TRIM69: variants seen among roughly 807,000 people sequenced by gnomAD.
TRIM69 encodes tripartite motif containing 69.
Under a neutral mutation model 37.7 loss-of-function variants are expected in TRIM69, and 29 were observed. The ratio of observed to expected loss-of-function variants is 0.77; its 90% confidence interval spans 0.57 to 1.05. The LOEUF (loss-of-function observed/expected upper bound fraction) is 1.05. Ranked by LOEUF, TRIM69 falls within the 50% of genes least tolerant of loss-of-function variation. TRIM69 has a pLI of 0.00. For synonymous variants in TRIM69, 209 were observed against 212.4 expected (o/e 0.98, Z 0.14); for missense variants, 596 against 579.9 (o/e 1.03, Z -0.28).
intron 1 of TRIM69, among the ~76,000 whole-genome samples, chr15:44,743,017 A>T (rs2087325275): frequency 6.6e-6 from 1 of 152,048 alleles, no homozygotes; most frequent in Admixed American, 6.6e-5. Flanking sequence ...GTCAATCCTA[A>T]GCCAAAAGAA....
chr15:44,758,985 C>A, intron 4 of TRIM69, 131 bp downstream of exon 4: 1 of 1,177,342 alleles, frequency 8.5e-7, no homozygotes, highest in Non-Finnish European at 1.2e-6. Flanking sequence ...TGTTATAGTG[C>A]TTTTAAGATT....
chr15:44,750,099 T>C (rs2141320771), intron 1 of TRIM69, among the ~76,000 whole-genome samples: 1 of 152,364 alleles, frequency 6.6e-6, no homozygotes, highest in South Asian at 2.1e-4. Flanking sequence ...TATTGAGTTG[T>C]AAGAGTTCTT....
chr15:44,767,444 T>C lies in TRIM69; in HGVS notation c.1175T>C (p.Val392Ala), dbSNP rs2087922057. 6.2e-6 allele frequency: 10 copies of C among 1,614,026 alleles called. No homozygotes were observed. The highest frequency in any genetic ancestry group is 4.0e-5 in the African/African-American group (3 of 74,898). The change falls in exon 7 of 7, where the codon GTT becomes GCT. Residue 392 changes from valine (V) to alanine (A), a missense_variant. Val to Ala is a moderately conservative substitution (Grantham distance 64). Transcript: ENST00000329464. ...VEVAKKTKWTVGVVRESIIRK... is the reference protein window; with the variant it reads ...VEVAKKTKWTAGVVRESIIRK... Reference sequence around the variant, plus strand: ...GTAGCAAAGAAGACAAAATGGACAGTTGGAGTTGTCAGAGAATCCATCATT... The same window carrying C: ...GTAGCAAAGAAGACAAAATGGACAGCTGGAGTTGTCAGAGAATCCATCATT...
intron 2 of TRIM69, 28 bp from the exon 3 acceptor site, chr15:44,756,340 C>T (rs1210883735): frequency 6.8e-7 from 1 of 1,479,766 alleles, no homozygotes; most frequent in South Asian, 1.2e-5. Context: ...CCGAGTTAGT[C>T]TGGGTTAATT....
chr15:44,751,415 C>CT (rs2087527981), intron 1 of TRIM69, among the ~76,000 whole-genome samples: 1 of 152,082 alleles, frequency 6.6e-6, no homozygotes, highest in Admixed American at 6.6e-5. Flanking sequence ...CACACCTGGC[C>CT]TTTTAAAAAA....
intron 1 of TRIM69, among the ~76,000 whole-genome samples, chr15:44,745,764 G>A (rs1340086380): frequency 1.3e-5 from 2 of 152,058 alleles, no homozygotes; most frequent in Non-Finnish European, 2.9e-5. Context: ...ACTGAAATGA[G>A]AAATTCGCAA....
chr15:44,738,050 C>CTTTT (rs772041054), intron 1 of TRIM69, among the ~76,000 whole-genome samples: 13 of 118,002 alleles, frequency 1.1e-4, no homozygotes, highest in African/African-American at 4.3e-4. Flanking sequence ...TACTTTCTTT[C>CTTTT]TTTCTTTTTT....
intron 1 of TRIM69, chr15:44,752,942 T>A (rs1266131355): frequency 6.6e-6 from 1 of 152,218 alleles, no homozygotes; most frequent in African/African-American, 2.4e-5. Flanking sequence ...TTGTTGTTAT[T>A]ATCACCAATT....
In TRIM69 at chr15:44,761,000, C is replaced by A. The variant is rs994356820; in HGVS notation, c.961+1128C>A. On this transcript the variant is annotated intron_variant, in intron 6 of 6. Transcript: ENST00000329464. ...TGGTGCCATCTCTGCTCACTGCAAG[C>A]TCTGCCTCCAGGGTTCATGCCATTC... is the stretch of plus-strand genomic sequence containing the variant. Among the ~76,000 whole-genome samples, 5 of 151,930 alleles carry A rather than the reference C, an allele frequency of 3.3e-5. 1 individual carries two copies. The South Asian group carries it at 8.3e-4, about 25-fold the overall frequency.
Position 44,755,367 on chromosome 15 carries a change from T to C in TRIM69, c.474T>C (p.His158=). ...KEFLQISDAV[H]FFTEELAIQQ... is the part of the protein sequence containing the mutation. ...TCCTGCAAATCTCTGATGCTGTCCA[T>C]TTCTTCACGGTGGGTGAGCCCTGGG... The change falls in exon 2 of 7, where the codon CAT becomes CAC. Residue 158 remains histidine, a synonymous_variant. Transcript: ENST00000329464. The C allele has an allele frequency of 5.0e-6, 8 of 1,612,310 alleles. No individual in the cohort carries two copies. The highest frequency in any genetic ancestry group is 6.8e-6 in the Non-Finnish European group (8 of 1,179,130).
intron 3 of TRIM69, chr15:44,757,258 G>A (rs2087670697): frequency 6.6e-6 from 1 of 151,996 alleles, no homozygotes; most frequent in African/African-American, 2.4e-5. Context: ...TAGATATTGG[G>A]GATGGGAGAC....
At chr15:44,742,692 C>A (rs1222258702) in intron 1 of TRIM69, among the ~76,000 whole-genome samples, 57 of 68,018 alleles carry the variant, frequency 8.4e-4, no homozygotes, top group African/African-American at 2.2e-3. Flanking sequence ...AGAGCCAAAT[C>A]ATGAGTGAAC....
intron 2 of TRIM69, among the ~76,000 whole-genome samples, chr15:44,755,799 C>G (rs1398778431): frequency 6.6e-6 from 1 of 151,856 alleles, no homozygotes; most frequent in Admixed American, 6.6e-5. Context: ...ATTTCTGAGA[C>G]TATTAGAGAA....
intron 6 of TRIM69, 117 bp from the exon 7 acceptor site, chr15:44,767,114 A>T (rs959188483): frequency 1.1e-5 from 4 of 364,430 alleles, no homozygotes; most frequent in African/African-American, 2.2e-5. Context: ...CCTGTCTAAG[A>T]GTCTATGTGT....
At chr15:44,759,980 G>A in intron 6 of TRIM69, 108 bp downstream of exon 6, 1 of 1,359,134 alleles carries the variant, frequency 7.4e-7, no homozygotes, top group Non-Finnish European at 1.0e-6. Flanking sequence ...GATAGGGAAG[G>A]GGTACAGTTT....
At chr15:44,750,362 A>T (rs1255072676) in intron 1 of TRIM69, among the ~76,000 whole-genome samples, 1 of 151,966 alleles carries the variant, frequency 6.6e-6, no homozygotes, top group African/African-American at 2.4e-5. Context: ...TACCAGTGAA[A>T]CCGTCTGGTC....
intron 1 of TRIM69, among the ~76,000 whole-genome samples, chr15:44,741,679 C>T (rs1418219668): frequency 6.6e-6 from 1 of 152,186 alleles, no homozygotes; most frequent in Non-Finnish European, 1.5e-5. Context: ...TCAGAGAATA[C>T]TACAAACACC....
At chr15:44,765,761 AC>A (rs766214686) in intron 6 of TRIM69, among the ~76,000 whole-genome samples, 60 of 21,696 alleles carry the variant, frequency 2.8e-3, no homozygotes, top group African/African-American at 7.5e-3. Flanking sequence ...CTCAAAAAAA[AC>A]AAAACAAAAC....
intron 1 of TRIM69, among the ~76,000 whole-genome samples, chr15:44,749,359 G>A (rs952721833): frequency 4.6e-5 from 7 of 152,140 alleles, no homozygotes; most frequent in African/African-American, 1.7e-4. Context: ...CCCATGACCA[G>A]TCACTTCCAG....
Sources: allele counts gnomAD v4.1 joint callset (sites outside exome capture counted in the v4.1 genomes callset), GRCh38; gene constraint gnomAD v4.1.1; transcripts MANE v1.5; gene names NCBI Gene and HGNC (gene_info 2026-07-23, HGNC 2026-07-21).